SUCLG2: variants seen among roughly 807,000 people sequenced by gnomAD.
SUCLG2 encodes the protein succinate--CoA ligase [GDP-forming] subunit beta, mitochondrial.
Under a neutral mutation model 47.9 loss-of-function variants are expected in SUCLG2, and 42 were observed. The observed-to-expected ratio is 0.88, with a 90% CI of 0.69 to 1.14. SUCLG2 has a LOEUF of 1.14. Among genes scored for constraint, SUCLG2 ranks in the 50% most tolerant of loss-of-function variants. The probability of loss-of-function intolerance (pLI) is 0.00; values close to 1 mark genes in which losing one functional copy is unlikely to be tolerated. For synonymous variants in SUCLG2, 195 were observed against 197.3 expected (o/e 0.99, Z 0.10); for missense variants, 571 against 525.9 (o/e 1.09, Z -0.84).
At chr3:67,480,681 C>T (rs961952983) in intron 9 of SUCLG2, among the ~76,000 whole-genome samples, 1 of 152,216 alleles carries the variant, frequency 6.6e-6, no homozygotes, top group Non-Finnish European at 1.5e-5. Context: ...CCACAGAAAA[C>T]CCCTGGGGAA....
chr3:67,609,286 C>G (rs1335488626), intron 2 of SUCLG2, among the ~76,000 whole-genome samples, 169 bp downstream of exon 2: 1 of 151,882 alleles, frequency 6.6e-6, no homozygotes, highest in Non-Finnish European at 1.5e-5. Context: ...CACTTACACA[C>G]ATGTACATGA....
intron 9 of SUCLG2, among the ~76,000 whole-genome samples, chr3:67,431,841 A>G (rs974555528): frequency 6.6e-6 from 1 of 152,228 alleles, no homozygotes. Flanking sequence ...TACATGTAAC[A>G]AACCTGCACG....
At chr3:67,649,080 G>C (rs1005383275) in intron 1 of SUCLG2, among the ~76,000 whole-genome samples, 38 of 152,308 alleles carry the variant, frequency 2.5e-4, no homozygotes, top group Admixed American at 2.4e-3. Context: ...GCTGGGTAAG[G>C]TAATTAGGAA....
At chr3:67,581,280 C>T (rs770193669) in intron 2 of SUCLG2, among the ~76,000 whole-genome samples, 20 of 152,108 alleles carry the variant, frequency 1.3e-4, no homozygotes, top group Non-Finnish European at 2.6e-4. Context: ...ATCAAAAGTA[C>T]GTAGTACCCA....
intron 1 of SUCLG2, among the ~76,000 whole-genome samples, chr3:67,643,157 C>T (rs1427479419): frequency 6.6e-6 from 1 of 152,202 alleles, no homozygotes; most frequent in Non-Finnish European, 1.5e-5. Context: ...TCCAAAAGTA[C>T]TCAGTGTTTG....
At chr3:67,481,730 G>C (rs1704922171) in intron 9 of SUCLG2, among the ~76,000 whole-genome samples, 1 of 152,174 alleles carries the variant, frequency 6.6e-6, no homozygotes, top group Non-Finnish European at 1.5e-5. Flanking sequence ...GACTACATCT[G>C]TCATTCAGGT....
intron 9 of SUCLG2, among the ~76,000 whole-genome samples, chr3:67,418,461 T>C (rs900871132): frequency 6.6e-6 from 1 of 152,192 alleles, no homozygotes; most frequent in Non-Finnish European, 1.5e-5. Flanking sequence ...CACAGGTTTA[T>C]CTAATGACAA....
At chr3:67,622,239 CAG>C (rs534596716) in intron 1 of SUCLG2, among the ~76,000 whole-genome samples, 1 of 152,064 alleles carries the variant, frequency 6.6e-6, no homozygotes, top group Non-Finnish European at 1.5e-5. Context: ...AAGCAAAACA[CAG>C]GGGAAAAACT....
chr3:67,445,628 TAA>T (rs1172771655), intron 9 of SUCLG2, among the ~76,000 whole-genome samples: 2 of 5,850 alleles, frequency 3.4e-4, no homozygotes, highest in African/African-American at 6.1e-4. Context: ...AAAAATAAAT[TAA>T]AAAAAAAAAA....
intron 9 of SUCLG2, among the ~76,000 whole-genome samples, chr3:67,402,129 G>A (rs1702698129): frequency 6.6e-6 from 1 of 152,204 alleles, no homozygotes; most frequent in African/African-American, 2.4e-5. Flanking sequence ...CCTTGGTCGA[G>A]TTACAGAACC....
At chr3:67,596,442 T>C (rs1708293992) in intron 2 of SUCLG2, among the ~76,000 whole-genome samples, 1 of 152,214 alleles carries the variant, frequency 6.6e-6, no homozygotes. Context: ...AAATGTATTA[T>C]ATTTAATAAT....
intron 1 of SUCLG2, among the ~76,000 whole-genome samples, chr3:67,620,467 C>A (rs1700714233): frequency 6.6e-6 from 1 of 150,808 alleles, no homozygotes; most frequent in Non-Finnish European, 1.5e-5. Flanking sequence ...CACCTTTAAT[C>A]CCAGGTACTC....
Position 67,632,645 on chromosome 3 carries a change from A to T in SUCLG2, c.84+21858T>A, listed in dbSNP as rs540107830. ...ATAATGACCACAACCACTTATTAATAATACAAGCTGACCAGGGAATGGGGC... is the reference window on the plus strand; with the variant it reads ...ATAATGACCACAACCACTTATTAATTATACAAGCTGACCAGGGAATGGGGC... On this transcript the variant is annotated intron_variant, in intron 1 of 10. Transcript: ENST00000307227. Among the ~76,000 whole-genome samples the T allele has an allele frequency of 2.0e-5, 3 of 152,264 alleles. No individual in the cohort carries two copies. In the East Asian group the frequency reaches 5.8e-4, roughly 29 times the overall value.
intron 2 of SUCLG2, among the ~76,000 whole-genome samples, chr3:67,558,092 G>A (rs954202613): frequency 1.3e-5 from 2 of 151,926 alleles, no homozygotes; most frequent in Non-Finnish European, 2.9e-5. Context: ...TGTTTATTCC[G>A]GCTTGTCTCC....
chr3:67,467,168 G>C (rs1458160989), intron 9 of SUCLG2, among the ~76,000 whole-genome samples: 2 of 152,086 alleles, frequency 1.3e-5, no homozygotes, highest in Non-Finnish European at 2.9e-5. Flanking sequence ...CTACAACTTT[G>C]TGTTTTCTCT....
At chr3:67,606,398 C>T (rs1186791619) in intron 2 of SUCLG2, among the ~76,000 whole-genome samples, 1 of 152,130 alleles carries the variant, frequency 6.6e-6, no homozygotes, top group Non-Finnish European at 1.5e-5. Context: ...AGCTGGCCTC[C>T]AGAATTCTCT....
chr3:67,547,936 G>A (rs1706911238), intron 2 of SUCLG2, among the ~76,000 whole-genome samples: 1 of 152,122 alleles, frequency 6.6e-6, no homozygotes, highest in African/African-American at 2.4e-5. Flanking sequence ...TCTACCGAAG[G>A]ACGACACAGC....
chr3:67,522,526 G>C (rs1575752718), intron 4 of SUCLG2, among the ~76,000 whole-genome samples: 2 of 152,050 alleles, frequency 1.3e-5, no homozygotes, highest in Admixed American at 6.5e-5. Context: ...AAGTGCTTGA[G>C]AGAGGTTGTT....
intron 9 of SUCLG2, among the ~76,000 whole-genome samples, chr3:67,489,103 C>G (rs1385570830): frequency 2.0e-5 from 3 of 152,078 alleles, no homozygotes; most frequent in Non-Finnish European, 4.4e-5. Context: ...AATGTGGTAG[C>G]TAGCAGATAC....
Sources: allele counts gnomAD v4.1 joint callset (sites outside exome capture counted in the v4.1 genomes callset), GRCh38; gene constraint gnomAD v4.1.1; transcripts MANE v1.5; gene names NCBI Gene and HGNC (gene_info 2026-07-23, HGNC 2026-07-21).